The following FAM78B variants were observed in gnomAD, a reference collection of about 807,000 sequenced individuals.
FAM78B encodes the protein family with sequence similarity 78 member B, also known as protein FAM78B.
In FAM78B, 10 loss-of-function variants were observed where a neutral mutation model predicts 20.0. The ratio of observed to expected loss-of-function variants is 0.50; its 90% CI spans 0.31 to 0.85. The LOEUF is 0.85. Among genes scored for constraint, FAM78B ranks in the 40% least tolerant of loss-of-function variants. The pLI, the probability that FAM78B is intolerant of heterozygous loss-of-function variation, is 0.05. For missense variants in FAM78B, 283 were observed against 345.0 expected (o/e 0.82, Z 1.42); for synonymous variants, 135 against 132.8 (o/e 1.02, Z -0.12).
chr1:166,139,742 G>A (rs1352883423), intron 1 of FAM78B, among the ~76,000 whole-genome samples: 1 of 152,166 alleles, frequency 6.6e-6, no homozygotes, highest in Admixed American at 6.5e-5. Context: ...AATCCCAAAG[G>A]CTGTTCTTCC....
At chr1:166,093,338 A>C (rs1447845199) in intron 1 of FAM78B, among the ~76,000 whole-genome samples, 1 of 152,150 alleles carries the variant, frequency 6.6e-6, no homozygotes, top group Non-Finnish European at 1.5e-5. Flanking sequence ...AAATGATAAA[A>C]ATGATTTTAA....
chr1:166,100,476 A>G (rs1222706167), intron 1 of FAM78B, among the ~76,000 whole-genome samples: 1 of 152,172 alleles, frequency 6.6e-6, no homozygotes, highest in East Asian at 1.9e-4. Context: ...CACCTGGAAA[A>G]TCGGGTCCCT....
intron 1 of FAM78B, among the ~76,000 whole-genome samples, chr1:166,141,008 A>G (rs944762534): frequency 2.0e-5 from 3 of 152,258 alleles, no homozygotes; most frequent in Non-Finnish European, 4.4e-5. Context: ...CACCAAAGCC[A>G]GGCTGCTGCA....
rs1651393884 is a variant in FAM78B at position 166,057,451 on chromosome 1, CTG to C, written c.*3620_*3621del. On this transcript the variant is annotated 3_prime_UTR_variant and NMD_transcript_variant, in exon 3 of 3. Transcript: ENST00000435676. ...TTTTGTTGTTGTTGTTGAATACACA[CTG>C]TATTTAACTTTTTTTAATCCCAGAG... 4 of 143,970 alleles carry C rather than the reference CTG, an allele frequency of 2.8e-5. No homozygotes were observed. The South Asian group carries it at 9.1e-4, about 33-fold the overall frequency. The allele number at this position is 143,970 out of a possible 1,614,324, so 8.9% of individuals were successfully genotyped here. A position where few individuals can be genotyped will look rare whatever the true frequency, so the allele number is the denominator to read the frequency against.
chr1:166,140,536 A>G (rs1018884709), intron 1 of FAM78B, among the ~76,000 whole-genome samples: 4 of 152,240 alleles, frequency 2.6e-5, no homozygotes, highest in Non-Finnish European at 4.4e-5. Flanking sequence ...CGAGAAAGGC[A>G]CCATCATCTC....
chr1:166,101,028 G>A (rs550910781), intron 1 of FAM78B, among the ~76,000 whole-genome samples: 1 of 152,350 alleles, frequency 6.6e-6, no homozygotes, highest in East Asian at 1.9e-4. Flanking sequence ...AACATTTGCT[G>A]TTCACCAATA....
intron 1 of FAM78B, among the ~76,000 whole-genome samples, chr1:166,112,271 A>T (rs1654084602): frequency 6.6e-6 from 1 of 152,234 alleles, no homozygotes; most frequent in Admixed American, 6.5e-5. Context: ...AAAACAGATT[A>T]AGGATGAAGA....
rs549972331 is a variant in FAM78B at position 166,158,527 on chromosome 1, T to C, written c.263+7459A>G. 7.2e-5 allele frequency among the ~76,000 whole-genome samples: 11 copies of C among 152,286 alleles called. No individual in the cohort carries two copies. In the South Asian group the frequency reaches 1.5e-3, roughly 20 times the overall value. ...CATGCATGGAAAGCACCCTGCACAG[T>C]GCCGGGCACATAGACCTTTCACGTG... On this transcript the variant is annotated intron_variant, in intron 1 of 1. Transcript: ENST00000354422.
chr1:166,076,522 TC>T (rs535662079), intron 1 of FAM78B, among the ~76,000 whole-genome samples: 1 of 152,262 alleles, frequency 6.6e-6, no homozygotes, highest in South Asian at 2.1e-4. Context: ...GCCCCAGTGC[TC>T]CCCATCCCAC....
intron 1 of FAM78B, among the ~76,000 whole-genome samples, chr1:166,152,296 T>C (rs771361735): frequency 6.6e-6 from 1 of 152,200 alleles, no homozygotes; most frequent in Non-Finnish European, 1.5e-5. Context: ...TGGGAGCAGC[T>C]GCTAACCTTG....
chr1:166,073,197 C>G (rs973159251), intron 1 of FAM78B, among the ~76,000 whole-genome samples: 11 of 152,176 alleles, frequency 7.2e-5, no homozygotes, highest in African/African-American at 2.7e-4. Flanking sequence ...ACAAACACAT[C>G]TGGCCACATG....
intron 1 of FAM78B, among the ~76,000 whole-genome samples, chr1:166,094,003 CTGTGTGTGTGTGTGTGTGTG>C (rs58213930): frequency 2.6e-4 from 33 of 125,592 alleles, no homozygotes; most frequent in African/African-American, 9.8e-4. Context: ...TTGCGAATGA[CTGTGTGTGTGTGTGTGTGTG>C]TGTGTGTGTG....
intron 1 of FAM78B, among the ~76,000 whole-genome samples, chr1:166,078,682 C>T (rs1652433404): frequency 6.6e-6 from 1 of 152,152 alleles, no homozygotes; most frequent in East Asian, 1.9e-4. Context: ...CCCCTGAAGC[C>T]CTGCAGTCAC....
At chr1:166,150,618 A>C (rs1455681930) in intron 1 of FAM78B, among the ~76,000 whole-genome samples, 1 of 152,214 alleles carries the variant, frequency 6.6e-6, no homozygotes, top group African/African-American at 2.4e-5. Context: ...CTGCAAAAAG[A>C]GTTACGACCA....
chr1:166,066,452 C>T (rs955676486), downstream of FAM78B, among the ~76,000 whole-genome samples: 1 of 152,062 alleles, frequency 6.6e-6, no homozygotes, highest in Non-Finnish European at 1.5e-5. Context: ...TCTTTTGTGC[C>T]CTCTAGTCAG....
chr1:166,096,552 C>T (rs1372624229), intron 1 of FAM78B, among the ~76,000 whole-genome samples: 2 of 152,196 alleles, frequency 1.3e-5, no homozygotes, highest in Non-Finnish European at 2.9e-5. Context: ...CCTGGTTCTG[C>T]GAAGTCCTAG....
intron 1 of FAM78B, among the ~76,000 whole-genome samples, chr1:166,132,013 T>C (rs1310915587): frequency 6.6e-6 from 1 of 152,208 alleles, no homozygotes; most frequent in Non-Finnish European, 1.5e-5. Context: ...TGAGGCTGAA[T>C]GTCAGGAAGG....
intron 1 of FAM78B, among the ~76,000 whole-genome samples, chr1:166,100,524 G>A (rs6700477): frequency 0.99 from 151,389 of 152,346 alleles, 75,222 homozygotes; most frequent in Middle Eastern, 1. Flanking sequence ...GGTCTTAGCA[G>A]ACAGCACACC....
chr1:166,109,846 A>ATATATATGTG (rs1653946415), intron 1 of FAM78B, among the ~76,000 whole-genome samples: 1 of 25,856 alleles, frequency 3.9e-5, no homozygotes, highest in African/African-American at 1.1e-4. Flanking sequence ...ATATGTATAT[A>ATATATATGTG]TATATATATA....
Sources: allele counts gnomAD v4.1 joint callset (sites outside exome capture counted in the v4.1 genomes callset), GRCh38; gene constraint gnomAD v4.1.1; transcripts MANE v1.5; gene names NCBI Gene and HGNC (gene_info 2026-07-23, HGNC 2026-07-21).